TOP3B: variants seen among roughly 807,000 people sequenced by gnomAD.
TOP3B encodes the protein DNA topoisomerase 3-beta-1.
In TOP3B, 45 loss-of-function variants were observed where a neutral mutation model predicts 93.9. That is an observed-to-expected ratio of 0.48 (90% confidence interval 0.38 to 0.61). The LOEUF (loss-of-function observed/expected upper bound fraction) is 0.61. Among genes scored for constraint, TOP3B ranks in the 20% least tolerant of loss-of-function variants. TOP3B has a pLI of 0.00. For missense variants in TOP3B, 750 were observed against 1,156.1 expected (o/e 0.65, Z 5.09); for synonymous variants, 357 against 472.6 (o/e 0.76, Z 3.17).
Position 21,963,841 on chromosome 22 carries a change from G to A in TOP3B, c.1204+82C>T, listed in dbSNP as rs960218801. 2 of 1,460,458 alleles carry A rather than the reference G, an allele frequency of 1.4e-6. No individual in the cohort carries two copies. Among genetic ancestry groups the A allele is most frequent in the South Asian group, 2.4e-5 (2 of 84,814 alleles). The allele number at this position is 1,460,458 out of a possible 1,614,324, so 90.5% of individuals were successfully genotyped here. Reference sequence around the variant, plus strand: ...CAGAGGCTGAAGGAGCCCCCACATTGCCAACAGGGCCTGCAACCTTCACTG... The same window carrying A: ...CAGAGGCTGAAGGAGCCCCCACATTACCAACAGGGCCTGCAACCTTCACTG... On this transcript the variant is annotated intron_variant, in intron 11 of 17. Transcript: ENST00000357179. The surrounding 1 kb of genome is among the most constrained non-coding windows in gnomAD (Gnocchi z 4.8).
intron 3 of TOP3B, chr22:21,973,397 C>T (rs2071726000): frequency 6.5e-6 from 1 of 152,690 alleles, no homozygotes; most frequent in Non-Finnish European, 1.5e-5. Context: ...CCACCTCAGC[C>T]TCCCAAGACT....
rs757951574 is a variant in TOP3B at position 21,959,558 on chromosome 22, G to A, written c.1804+29C>T. The A allele has an allele frequency of 2.5e-6, 4 of 1,585,086 alleles. No homozygotes were observed. In the South Asian group the frequency reaches 4.6e-5, roughly 18 times the overall value. ...TTGCTGACAGAGAGACACCCCTCTG[G>A]TGAGGGGCAGGCCAGAGGCAGACTC... On this transcript the variant is annotated intron_variant, in intron 15 of 17. Coordinates refer to ENST00000357179, the MANE Select transcript of TOP3B (RefSeq NM_001282112.2).
At position 21,970,232 on chromosome 22, in the gene TOP3B, G is replaced by A. The variant is rs1301982615; in HGVS notation, c.559C>T (p.Arg187Ter). 8.7e-6 allele frequency: 14 copies of A among 1,612,532 alleles called. No homozygotes were observed. The highest frequency in any genetic ancestry group is 2.2e-5 in the South Asian group (2 of 91,092). ...SVDARQELDL[R>*]IGCAFTRFQT... The stretch of plus-strand genomic sequence containing the variant: ...CACCTGGTGAATGCACAGCCGATTC[G>A]CAGGTCCAGCTCCTGGCGAGCATCC... Residue 187 changes from arginine to a stop codon, truncating the protein, a stop_gained, in exon 6 of 18, where the codon CGA (arginine) becomes TGA (stop). Coordinates refer to ENST00000357179, the MANE Select transcript of TOP3B (RefSeq NM_001282112.2). LOFTEE classifies it high-confidence loss of function. This position sits in a 1 kb window ranked among gnomAD's most constrained non-coding sequence, Gnocchi z 4.4.
rs768420275 is a variant in TOP3B at position 21,957,985 on chromosome 22, C to G, written c.2108-390G>C. On this transcript the variant is annotated intron_variant, in intron 17 of 17. Coordinates refer to ENST00000357179, the MANE Select transcript of TOP3B (RefSeq NM_001282112.2). The stretch of plus-strand genomic sequence containing the variant: ...GGATGGGGTCTCACTCCCGGGGCAG[C>G]CTGGGTGCAGACTGAGGCCTGAGGG... The G allele has an allele frequency of 2.3e-5, 31 of 1,362,304 alleles. 1 individual carries two copies. The highest frequency in any genetic ancestry group is 4.1e-4 in the Middle Eastern group (2 of 4,858). 84.4% of individuals were successfully genotyped at this position (1,362,304 alleles called of 1,614,324 possible). A position where few individuals can be genotyped will look rare whatever the true frequency, so the allele number is the denominator to read the frequency against.
chr22:21,964,941 G>A, intron 9 of TOP3B: 1 of 200,336 alleles, frequency 5.0e-6, no homozygotes, highest in Non-Finnish European at 1.0e-5. Flanking sequence ...ACAGCTGCCA[G>A]AGACCACCAG....
chr22:21,972,343 A>G, intron 4 of TOP3B: 1 of 469,636 alleles, frequency 2.1e-6, no homozygotes, highest in South Asian at 3.8e-5. Flanking sequence ...TTTGTTTTAA[A>G]ATTAAGGAGA....
intron 1 of TOP3B, among the ~76,000 whole-genome samples, chr22:21,981,565 G>A (rs1238475868): frequency 2.0e-5 from 3 of 152,182 alleles, no homozygotes; most frequent in Non-Finnish European, 4.4e-5. Context: ...GCGAGGCTGA[G>A]GCAGGTGGAT....
At chr22:21,965,453 G>C (rs1202756757) in intron 8 of TOP3B, 78 bp from the exon 9 acceptor site, 4 of 902,294 alleles carry the variant, frequency 4.4e-6, no homozygotes, top group Non-Finnish European at 6.7e-6. Flanking sequence ...GTGGACGAAG[G>C]GTCTGGTTTC....
intron 16 of TOP3B, 67 bp from the exon 17 acceptor site, chr22:21,958,760 CCT>C (rs2071039060): frequency 6.7e-7 from 1 of 1,494,640 alleles, no homozygotes; most frequent in South Asian, 1.3e-5. Context: ...CACCCCCACT[CCT>C]CTCATAATAC....
At chr22:21,976,902 A>T (rs2071896308) in intron 1 of TOP3B, 1 of 152,244 alleles carries the variant, frequency 6.6e-6, no homozygotes, top group South Asian at 2.1e-4. Flanking sequence ...CTGTGAAAAA[A>T]AATAAAGTTA....
intron 14 of TOP3B, 128 bp downstream of exon 14, chr22:21,960,193 A>G: frequency 7.1e-7 from 1 of 1,405,792 alleles, no homozygotes; most frequent in Non-Finnish European, 9.8e-7. Context: ...GCGGGTGTTG[A>G]GGGAGTGTGT....
Position 21,974,729 on chromosome 22 carries a change from C to T in TOP3B, c.71-241G>A, listed in dbSNP as rs113395210. 0.089 allele frequency: 31,472 copies of T among 353,782 alleles called. 1,617 individuals carry two copies. The highest frequency in any genetic ancestry group is 0.14 in the Middle Eastern group (182 of 1,308). The allele number at this position is 353,782 out of a possible 1,614,324, so 21.9% of individuals were successfully genotyped here. A position where few individuals can be genotyped will look rare whatever the true frequency, so the allele number is the denominator to read the frequency against. On this transcript the variant is annotated intron_variant, in intron 2 of 17. Coordinates refer to ENST00000357179, the MANE Select transcript of TOP3B (RefSeq NM_001282112.2). ...CTCTCGATGCAGAGCCCCAGGCTGC[C>T]GGGAGCCAGGAGCAGGCAGGGGTGG...
intron 17 of TOP3B, chr22:21,958,186 G>T: frequency 7.8e-7 from 1 of 1,286,588 alleles, no homozygotes; most frequent in Non-Finnish European, 1.0e-6. Flanking sequence ...CGCTCACCGG[G>T]TGGGTCCCCC....
At chr22:21,962,635 C>T in intron 12 of TOP3B, 33 bp from the exon 13 acceptor site, 1 of 1,605,996 alleles carries the variant, frequency 6.2e-7, no homozygotes, top group Non-Finnish European at 8.5e-7. Flanking sequence ...TCAGGGTCCC[C>T]AGCCTGGGTG....
chr22:21,964,120 G>C lies in TOP3B; in HGVS notation c.1098+41C>G, dbSNP rs1487646439. On this transcript the variant is annotated intron_variant, in intron 10 of 17. Transcript: ENST00000357179. ...TACCAGACCTGGTCCCAAGGCCTCAGTGACACACACACATGCTGAGGCCGG... is the reference window on the plus strand; with the variant it reads ...TACCAGACCTGGTCCCAAGGCCTCACTGACACACACACATGCTGAGGCCGG... 1.9e-6 allele frequency: 3 copies of C among 1,612,786 alleles called. No homozygotes were observed. In the East Asian group the frequency reaches 6.7e-5, roughly 36 times the overall value.
At chr22:21,974,607 G>A in intron 2 of TOP3B, 119 bp from the exon 3 acceptor site, 2 of 1,182,056 alleles carry the variant, frequency 1.7e-6, no homozygotes, top group Non-Finnish European at 2.3e-6. Flanking sequence ...AGAGTGGTGA[G>A]TGACGACATT....
rs924966276 is a variant in TOP3B at position 21,963,868 on chromosome 22, C to T, written c.1204+55G>A. The stretch of plus-strand genomic sequence containing the variant: ...CAACAGGGCCTGCAACCTTCACTGT[C>T]GCAGCTCGCCCTTCCCTCCCTGGAA... On this transcript the variant is annotated intron_variant, in intron 11 of 17. Coordinates refer to ENST00000357179, the MANE Select transcript of TOP3B (RefSeq NM_001282112.2). This position sits in a 1 kb window ranked among gnomAD's most constrained non-coding sequence, Gnocchi z 4.8. 40 of 1,575,592 alleles carry T rather than the reference C, an allele frequency of 2.5e-5. No homozygotes were observed. The highest frequency in any genetic ancestry group is 1.1e-4 in the South Asian group (10 of 89,928).
rs1320468079 is a variant in TOP3B at position 21,970,821 on chromosome 22, G to C, written c.385-415C>G. On this transcript the variant is annotated intron_variant, in intron 5 of 17. Coordinates refer to ENST00000357179, the MANE Select transcript of TOP3B (RefSeq NM_001282112.2). This position sits in a 1 kb window ranked among gnomAD's most constrained non-coding sequence, Gnocchi z 4.4. ...CTTCTAGGAGGGAGGGTTTGGAGGGGTGGGTGGAAATTTTAAGAGGCTGAA... is the reference window on the plus strand; with the variant it reads ...CTTCTAGGAGGGAGGGTTTGGAGGGCTGGGTGGAAATTTTAAGAGGCTGAA... 1.5e-5 allele frequency: 5 copies of C among 324,664 alleles called. No individual in the cohort carries two copies. The highest frequency in any genetic ancestry group is 4.3e-5 in the African/African-American group (2 of 46,686). The allele number at this position is 324,664 out of a possible 1,614,324, so 20.1% of individuals were successfully genotyped here.
intron 1 of TOP3B, among the ~76,000 whole-genome samples, chr22:21,979,908 T>TCCAGCCTG (rs2084587835): frequency 8.5e-6 from 1 of 117,992 alleles, no homozygotes; most frequent in South Asian, 2.7e-4. Context: ...GCCACTGCAC[T>TCCAGCCTG]CCAGCCTGGG....
Sources: allele counts gnomAD v4.1 joint callset (sites outside exome capture counted in the v4.1 genomes callset), GRCh38; gene constraint gnomAD v4.1.1; non-coding constraint Gnocchi (gnomAD v3.1); transcripts MANE v1.5; gene names NCBI Gene and HGNC (gene_info 2026-07-23, HGNC 2026-07-21).